Variants in ANO5 observed in about 807,000 individuals in gnomAD.
ANO5 encodes the protein anoctamin-5.
A neutral mutation model predicts 121.0 loss-of-function variants in ANO5; 109 were observed. That is an observed-to-expected ratio of 0.90 (90% CI 0.77 to 1.06). The LOEUF is 1.06. Ranked by LOEUF, ANO5 falls within the 50% of genes least tolerant of loss-of-function variation. The pLI is 0.00. For synonymous variants in ANO5, 406 were observed against 359.9 expected (o/e 1.13, Z -1.45); for missense variants, 1,064 against 1,078.5 (o/e 0.99, Z 0.19).
chr11:22,227,227 A>C (rs906455559), intron 6 of ANO5, 75 bp from the exon 7 acceptor site: 89 of 1,549,508 alleles, frequency 5.7e-5, no homozygotes, highest in Non-Finnish European at 7.2e-5. Context: ...ATAAAATATT[A>C]TCCATCTTAT....
At chr11:22,216,313 C>A (rs545547355) in intron 3 of ANO5, among the ~76,000 whole-genome samples, 1 of 151,906 alleles carries the variant, frequency 6.6e-6, no homozygotes, top group African/African-American at 2.4e-5. Flanking sequence ...CAGCAATGTA[C>A]GAGAGTTCTT....
chr11:22,207,957 G>A (rs1203503194), intron 2 of ANO5, among the ~76,000 whole-genome samples: 3 of 151,874 alleles, frequency 2.0e-5, no homozygotes, highest in Non-Finnish European at 2.9e-5. Flanking sequence ...ACTAAGAAAT[G>A]CAAAATAAGA....
chr11:22,197,878 G>A (rs1851858780), intron 1 of ANO5, among the ~76,000 whole-genome samples: 2 of 152,182 alleles, frequency 1.3e-5, no homozygotes, highest in South Asian at 4.1e-4. Context: ...AGAGGAAGTT[G>A]GAGGAATAGA....
chr11:22,265,733 G>A (rs2133759668), intron 17 of ANO5, among the ~76,000 whole-genome samples: 1 of 152,158 alleles, frequency 6.6e-6, no homozygotes, highest in African/African-American at 2.4e-5. Flanking sequence ...GTATAGACAA[G>A]TGGATTCTAA....
chr11:22,269,585 AAGAG>A (rs1056035350), intron 17 of ANO5, among the ~76,000 whole-genome samples: 6 of 151,732 alleles, frequency 4.0e-5, no homozygotes, highest in Non-Finnish European at 7.4e-5. Context: ...AAAAGAAAGA[AAGAG>A]AAAGAAAGAG....
At chr11:22,223,381 A>T (rs139089478) in intron 5 of ANO5, among the ~76,000 whole-genome samples, 1 of 152,164 alleles carries the variant, frequency 6.6e-6, no homozygotes, top group Non-Finnish European at 1.5e-5. Context: ...TCCAGCAACA[A>T]TGTATGAAAA....
chr11:22,234,252 ATT>A (rs1853141991), intron 7 of ANO5, among the ~76,000 whole-genome samples: 1 of 151,910 alleles, frequency 6.6e-6, no homozygotes, highest in Non-Finnish European at 1.5e-5. Flanking sequence ...AACAAGGTGA[ATT>A]TTTTCCTTGC....
chr11:22,246,416 T>G (rs1344111902), intron 9 of ANO5, among the ~76,000 whole-genome samples: 1 of 152,140 alleles, frequency 6.6e-6, no homozygotes, highest in Admixed American at 6.6e-5. Context: ...TTTCCTTAGT[T>G]GCAGGTAATT....
intron 5 of ANO5, among the ~76,000 whole-genome samples, chr11:22,225,756 C>G (rs995239714): frequency 6.6e-5 from 10 of 152,142 alleles, no homozygotes; most frequent in Middle Eastern, 3.4e-3. Context: ...GATAGAGGCT[C>G]TGCATATTTC....
intron 5 of ANO5, among the ~76,000 whole-genome samples, chr11:22,222,283 C>T (rs1852677938): frequency 6.6e-6 from 1 of 151,852 alleles, no homozygotes; most frequent in African/African-American, 2.4e-5. Context: ...ACAATTTTAC[C>T]TCCTGGATCA....
At chr11:22,254,158 A>G (rs1482192552) in intron 12 of ANO5, among the ~76,000 whole-genome samples, 1 of 152,176 alleles carries the variant, frequency 6.6e-6, no homozygotes, top group Admixed American at 6.6e-5. Flanking sequence ...CAGTCAGATG[A>G]TAGGTATATT....
rs2133811375 is a variant in ANO5 at position 22,279,702 on chromosome 11, T to A, written c.2679T>A (p.Asn893Lys). ...KLKENLGINSNEFAKHVMIEE... is the reference protein window; with the variant it reads ...KLKENLGINSKEFAKHVMIEE... The stretch of plus-strand genomic sequence containing the variant: ...AAGAGAACTTGGGAATTAATTCTAA[T>A]GAATTTGCCAAGCATGTCATGATTG... Residue 893 changes from asparagine (N) to lysine (K), a missense_variant, in exon 22 of 22, where the codon AAT becomes AAA. Coordinates refer to ENST00000324559, the MANE Select transcript of ANO5 (RefSeq NM_213599.3). 1.9e-6 allele frequency: 3 copies of A among 1,612,916 alleles called. No individual in the cohort carries two copies. Among genetic ancestry groups the A allele is most frequent in the Non-Finnish European group, 2.5e-6 (3 of 1,179,174 alleles).
At chr11:22,269,854 A>G (rs1320826684) in intron 17 of ANO5, among the ~76,000 whole-genome samples, 1 of 152,198 alleles carries the variant, frequency 6.6e-6, no homozygotes. Flanking sequence ...TCATCTTTTT[A>G]TATAGCATGG....
At chr11:22,245,937 A>G (rs557766820) in intron 9 of ANO5, among the ~76,000 whole-genome samples, 6 of 152,248 alleles carry the variant, frequency 3.9e-5, no homozygotes, top group African/African-American at 1.4e-4. Flanking sequence ...CAGATGAGGG[A>G]TGCTCAACCT....
chr11:22,260,867 A>G (rs1175305771), intron 15 of ANO5, among the ~76,000 whole-genome samples: 1 of 152,174 alleles, frequency 6.6e-6, no homozygotes. Context: ...AAGATAATTT[A>G]ATATTTTGTT....
In ANO5 at chr11:22,283,149, C is replaced by T. The variant is rs1353952535; in HGVS notation, c.*3384C>T. On this transcript the variant is annotated 3_prime_UTR_variant, in exon 22 of 22. Coordinates refer to ENST00000324559, the MANE Select transcript of ANO5 (RefSeq NM_213599.3). The stretch of plus-strand genomic sequence containing the variant: ...TGCTTCCTCCTCCTCAAAGGTTTGA[C>T]TGGGTGTATCTCTCCTATGTGTGAC... The T allele has an allele frequency of 6.6e-6, 1 of 152,186 alleles. No individual in the cohort carries two copies. Among genetic ancestry groups the T allele is most frequent in the Admixed American group, 6.5e-5 (1 of 15,284 alleles). The allele number at this position is 152,186 out of a possible 1,614,324, so 9.4% of individuals were successfully genotyped here. A position where few individuals can be genotyped will look rare whatever the true frequency, so the allele number is the denominator to read the frequency against.
At chr11:22,275,086 G>A (rs1485423719) in intron 20 of ANO5, among the ~76,000 whole-genome samples, 1 of 151,870 alleles carries the variant, frequency 6.6e-6, no homozygotes. Flanking sequence ...ATAATCTATA[G>A]ATCATACAAC....
At chr11:22,260,261 A>AG (rs1160303406) in intron 15 of ANO5, among the ~76,000 whole-genome samples, 19 of 152,204 alleles carry the variant, frequency 1.2e-4, no homozygotes, top group Admixed American at 9.2e-4. Flanking sequence ...GGAAAGTGAA[A>AG]GGGGTCACAG....
chr11:22,236,766 T>C (rs955481916), intron 8 of ANO5, among the ~76,000 whole-genome samples: 1 of 152,172 alleles, frequency 6.6e-6, no homozygotes, highest in Non-Finnish European at 1.5e-5. Context: ...ACTAGGACTC[T>C]CCTAGAAATA....
Sources: allele counts gnomAD v4.1 joint callset (sites outside exome capture counted in the v4.1 genomes callset), GRCh38; gene constraint gnomAD v4.1.1; transcripts MANE v1.5; gene names NCBI Gene and HGNC (gene_info 2026-07-23, HGNC 2026-07-21).